Variants in ZNF423 observed in about 807,000 individuals in gnomAD.
The protein encoded by ZNF423 is zinc finger protein 423, also known as Ebf-associated zinc finger protein.
Under a neutral mutation model 95.8 loss-of-function variants are expected in ZNF423, and 12 were observed. The observed-to-expected ratio is 0.13, with a 90% confidence interval of 0.08 to 0.20. The LOEUF is 0.20. Among genes scored for constraint, ZNF423 ranks in the 10% least tolerant of loss-of-function variants. The pLI is 1.00. For synonymous variants in ZNF423, 749 were observed against 711.9 expected (o/e 1.05, Z -0.83); for missense variants, 1,316 against 1,737.1 (o/e 0.76, Z 4.31).
chr16:49,734,215 C>A (rs557322790), intron 2 of ZNF423, among the ~76,000 whole-genome samples: 1 of 152,298 alleles, frequency 6.6e-6, no homozygotes, highest in South Asian at 2.1e-4. Flanking sequence ...ATGATTGGAC[C>A]TTCCCTACTC....
rs536118695 is a variant in ZNF423 at position 49,521,492 on chromosome 16, G to T, written c.3849+2132C>A. 6.0e-4 allele frequency among the ~76,000 whole-genome samples: 91 copies of T among 152,274 alleles called. 2 individuals are homozygous for T. In the South Asian group the frequency reaches 0.011, roughly 18 times the overall value. On this transcript the variant is annotated intron_variant, in intron 7 of 7. Transcript: ENST00000563137. ...CACGAGCAGGGAGGCTTCTTGGATG[G>T]CATCAACGCCTAGCTGTCGCCCCAC...
At chr16:49,729,545 C>T (rs2033108525) in intron 3 of ZNF423, among the ~76,000 whole-genome samples, 1 of 152,004 alleles carries the variant, frequency 6.6e-6, no homozygotes, top group African/African-American at 2.4e-5. Flanking sequence ...TAACCATCAC[C>T]TCTGCCTCTG....
chr16:49,806,537 A>G (rs1008878847), intron 1 of ZNF423, among the ~76,000 whole-genome samples: 2 of 152,214 alleles, frequency 1.3e-5, no homozygotes, highest in African/African-American at 2.4e-5. Context: ...CTGTAAATAA[A>G]TGTCAGTTCC....
chr16:49,564,730 C>T (rs562043076), intron 5 of ZNF423, among the ~76,000 whole-genome samples: 5 of 152,308 alleles, frequency 3.3e-5, no homozygotes, highest in African/African-American at 1.2e-4. Flanking sequence ...CCCAGATGTC[C>T]TTATTCACCC....
In ZNF423 at chr16:49,531,031, C is replaced by T. The variant is rs770028032; in HGVS notation, c.3602-5537G>A. ...CTCCATGTTTGAGCCTGGGGGGTCC[C>T]CTCGCCAGCACAAGCGCCGGTTGGC... On this transcript the variant is annotated intron_variant, in intron 5 of 7. Coordinates refer to ENST00000563137, the MANE Select transcript of ZNF423 (RefSeq NM_001379286.1). Among the ~76,000 whole-genome samples, 168 of 152,320 alleles carry T rather than the reference C, an allele frequency of 1.1e-3. 1 individual carries two copies. The highest frequency in any genetic ancestry group is 2.0e-3 in the Non-Finnish European group (136 of 68,014).
At chr16:49,519,440 C>T (rs1406797964) in intron 7 of ZNF423, among the ~76,000 whole-genome samples, 1 of 152,216 alleles carries the variant, frequency 6.6e-6, no homozygotes, top group Non-Finnish European at 1.5e-5. Flanking sequence ...CACCAACTCT[C>T]AGCATTGTGA....
intron 5 of ZNF423, among the ~76,000 whole-genome samples, chr16:49,578,408 G>A (rs1369205320): frequency 6.6e-6 from 1 of 152,212 alleles, no homozygotes; most frequent in African/African-American, 2.4e-5. Flanking sequence ...TAAGGGAAGA[G>A]AAACCGAGGG....
intron 5 of ZNF423, among the ~76,000 whole-genome samples, chr16:49,624,266 T>G (rs1448200638): frequency 6.6e-6 from 1 of 152,122 alleles, no homozygotes; most frequent in Non-Finnish European, 1.5e-5. Flanking sequence ...GATATGTACA[T>G]GGGGCCAGGT....
chr16:49,567,017 T>C (rs1049615814), intron 5 of ZNF423, among the ~76,000 whole-genome samples: 4 of 152,204 alleles, frequency 2.6e-5, no homozygotes, highest in Admixed American at 6.5e-5. Context: ...ACTGGGACTC[T>C]CATTGGGACA....
intron 5 of ZNF423, among the ~76,000 whole-genome samples, chr16:49,526,707 G>T (rs1968625860): frequency 6.6e-6 from 1 of 152,198 alleles, no homozygotes; most frequent in Non-Finnish European, 1.5e-5. Context: ...CTTACTGGGT[G>T]ATCTTAGGCA....
intron 5 of ZNF423, among the ~76,000 whole-genome samples, chr16:49,550,593 C>T (rs1386044579): frequency 1.3e-5 from 2 of 152,264 alleles, no homozygotes; most frequent in East Asian, 1.9e-4. Context: ...CTGCAGTCAA[C>T]GCCAACCCTA....
intron 5 of ZNF423, among the ~76,000 whole-genome samples, chr16:49,581,032 C>A (rs372254154): frequency 6.6e-6 from 1 of 152,132 alleles, no homozygotes; most frequent in Non-Finnish European, 1.5e-5. Flanking sequence ...AAATGATTCA[C>A]GAGATTGCCA....
chr16:49,681,388 T>C (rs2031348112), intron 3 of ZNF423, among the ~76,000 whole-genome samples: 1 of 152,214 alleles, frequency 6.6e-6, no homozygotes, highest in South Asian at 2.1e-4. Flanking sequence ...AGGAGAACTT[T>C]GGTAACTGAG....
intron 7 of ZNF423, among the ~76,000 whole-genome samples, chr16:49,506,273 G>T: frequency 6.6e-6 from 1 of 152,154 alleles, no homozygotes; most frequent in East Asian, 1.9e-4. Flanking sequence ...TGGATGGATG[G>T]ATAAATGATG....
rs1432212567 is a variant in ZNF423 at position 49,489,093 on chromosome 16, G to A, written c.*2182C>T. On this transcript the variant is annotated 3_prime_UTR_variant, in exon 8 of 8. Transcript: ENST00000563137. ...TTAAACCCCCCGCTGTATTTTTAAT[G>A]GGGGCAGTGACTAATTTAGCCCTAC... 1 of 152,168 alleles carries A rather than the reference G, an allele frequency of 6.6e-6. No homozygotes were observed. Among genetic ancestry groups the A allele is most frequent in the African/African-American group, 2.4e-5 (1 of 41,406 alleles). The allele number at this position is 152,168 out of a possible 1,614,324, so 9.4% of individuals were successfully genotyped here.
intron 3 of ZNF423, among the ~76,000 whole-genome samples, chr16:49,682,891 C>T (rs994347969): frequency 1.3e-5 from 2 of 152,294 alleles, no homozygotes; most frequent in African/African-American, 2.4e-5. Flanking sequence ...AGGACTTCGA[C>T]GGAGTGGGTA....
intron 7 of ZNF423, among the ~76,000 whole-genome samples, chr16:49,502,461 A>G (rs1192429513): frequency 6.6e-6 from 1 of 151,266 alleles, no homozygotes; most frequent in Non-Finnish European, 1.5e-5. Flanking sequence ...TAAGGAGACC[A>G]GAAACTCCCA....
At chr16:49,703,863 C>T (rs952565138) in intron 3 of ZNF423, among the ~76,000 whole-genome samples, 22 of 152,240 alleles carry the variant, frequency 1.4e-4, no homozygotes, top group African/African-American at 5.3e-4. Flanking sequence ...CAATGCATCA[C>T]CAGCTTGTGC....
At chr16:49,781,739 G>A (rs933304704) in intron 2 of ZNF423, among the ~76,000 whole-genome samples, 2 of 152,208 alleles carry the variant, frequency 1.3e-5, no homozygotes, top group African/African-American at 4.8e-5. Flanking sequence ...GACTGCAGGG[G>A]ATGAGGCTGT....
Sources: gnomAD v4.1 joint callset for allele counts (sites outside exome capture counted in the v4.1 genomes callset) on GRCh38, gnomAD v4.1.1 for gene constraint, MANE v1.5 for transcripts, NCBI Gene and HGNC (gene_info 2026-07-23, HGNC 2026-07-21) for gene names.